The following FBXW12 variants were observed in gnomAD, a reference collection of about 807,000 sequenced individuals.
The protein encoded by FBXW12 is F-box/WD repeat-containing protein 12.
A neutral mutation model predicts 55.3 loss-of-function variants in FBXW12; 43 were observed. The ratio of observed to expected loss-of-function variants is 0.78; its 90% CI spans 0.61 to 1.00. FBXW12 has a LOEUF of 1.00. Among genes scored for constraint, FBXW12 ranks in the 50% least tolerant of loss-of-function variants. The pLI, the probability that FBXW12 is intolerant of heterozygous loss-of-function variation, is 0.00. For missense variants in FBXW12, 524 were observed against 560.5 expected (o/e 0.93, Z 0.66); for synonymous variants, 184 against 203.8 (o/e 0.90, Z 0.83).
chr3:48,392,730 C>T (rs146549772), intron 10 of FBXW12, among the ~76,000 whole-genome samples: 52 of 152,330 alleles, frequency 3.4e-4, no homozygotes, highest in African/African-American at 1.3e-3. Context: ...CTTCTGACTT[C>T]CATGATGTCT....
At chr3:48,372,444 C>A in intron 1 of FBXW12, 124 bp downstream of exon 1, 2 of 1,259,516 alleles carry the variant, frequency 1.6e-6, no homozygotes, top group Non-Finnish European at 2.2e-6. Context: ...AGGGTTCTGA[C>A]AACTTCATCT....
Position 48,383,141 on chromosome 3 carries a change from C to T in FBXW12, c.1295+1056C>T, listed in dbSNP as rs567814633. Among the ~76,000 whole-genome samples, 147 of 152,324 alleles carry T rather than the reference C, an allele frequency of 9.7e-4. 1 individual carries two copies. Among genetic ancestry groups the T allele is most frequent in the Non-Finnish European group, 1.9e-3 (130 of 68,030 alleles). On this transcript the variant is annotated intron_variant, in intron 10 of 10. Coordinates refer to ENST00000296438, the MANE Select transcript of FBXW12 (RefSeq NM_207102.2). ...TTTCCAGTGTTTTGAGGCAAAAATA[C>T]TTTAAATATCTATAAGCATGCTTAG...
intron 1 of FBXW12, 84 bp from the exon 2 acceptor site, chr3:48,372,599 CG>C (rs766634180): frequency 2.7e-4 from 404 of 1,479,964 alleles, no homozygotes; most frequent in Non-Finnish European, 3.3e-4. Context: ...GGGGAGAGGC[CG>C]GGGTGGAGGT....
chr3:48,381,602 T>C, intron 8 of FBXW12, 98 bp from the exon 9 acceptor site: 3 of 1,343,564 alleles, frequency 2.2e-6, no homozygotes, highest in Non-Finnish European at 3.0e-6. Flanking sequence ...GTGGGGACTA[T>C]GCTTTTTTAT....
chr3:48,380,833 A>T lies in FBXW12; in HGVS notation c.906A>T (p.Gln302His), dbSNP rs1560031891. The T allele has an allele frequency of 6.2e-7, 1 of 1,614,142 alleles. No individual in the cohort carries two copies. The highest frequency in any genetic ancestry group is 8.5e-7 in the Non-Finnish European group (1 of 1,180,016). Reference sequence around the variant, plus strand: ...AAAACAGGATAACACTGATGTCCCAAAGTAGCACTGGAAAAAAGACAGAAT... The same window carrying T: ...AAAACAGGATAACACTGATGTCCCATAGTAGCACTGGAAAAAAGACAGAAT... ...KVKNRITLMS[Q>H]SSTGKKTEFI... Residue 302 changes from glutamine (Q) to histidine (H), a missense_variant, in exon 8 of 11, where the codon CAA becomes CAT. Coordinates refer to ENST00000296438, the MANE Select transcript of FBXW12 (RefSeq NM_207102.2).
At chr3:48,390,159 TTTC>T (rs1269150181) in intron 10 of FBXW12, among the ~76,000 whole-genome samples, 2 of 152,190 alleles carry the variant, frequency 1.3e-5, no homozygotes, top group Admixed American at 6.5e-5. Flanking sequence ...TGTCTCTGGC[TTTC>T]TTCTTTTTCC....
intron 5 of FBXW12, among the ~76,000 whole-genome samples, chr3:48,378,048 G>C (rs1306770263): frequency 1.3e-5 from 2 of 152,178 alleles, no homozygotes; most frequent in Non-Finnish European, 2.9e-5. Context: ...GCTGCACTGT[G>C]AGTAGGAGGC....
intron 7 of FBXW12, chr3:48,380,133 T>TA (rs530803807): frequency 0.39 from 55,476 of 141,428 alleles, 10,651 homozygotes; most frequent in African/African-American, 0.43. Context: ...CCCTACCTCT[T>TA]AAAAAAAAAA....
chr3:48,378,236 T>G, intron 5 of FBXW12, 81 bp from the exon 6 acceptor site: 1 of 1,097,450 alleles, frequency 9.1e-7, no homozygotes, highest in Non-Finnish European at 1.4e-6. Context: ...GGAAGAGGCT[T>G]CCAAATAAAC....
intron 10 of FBXW12, among the ~76,000 whole-genome samples, chr3:48,387,441 A>ATTT (rs36141575): frequency 6.9e-6 from 1 of 145,290 alleles, no homozygotes; most frequent in Non-Finnish European, 1.5e-5. Context: ...TTTGGTCTCT[A>ATTT]TTTTTTTTTT....
At chr3:48,391,389 G>T (rs1207713914) in intron 10 of FBXW12, among the ~76,000 whole-genome samples, 1 of 149,052 alleles carries the variant, frequency 6.7e-6, no homozygotes, top group Non-Finnish European at 1.5e-5. Flanking sequence ...TTGTCATATT[G>T]TCCACAAATA....
At chr3:48,387,732 T>G (rs766373846) in intron 10 of FBXW12, among the ~76,000 whole-genome samples, 13 of 152,144 alleles carry the variant, frequency 8.5e-5, no homozygotes, top group Non-Finnish European at 1.5e-4. Context: ...ATTAATTAAT[T>G]TATTTATTTA....
chr3:48,375,897 G>C (rs1385617397), intron 5 of FBXW12, among the ~76,000 whole-genome samples: 1 of 150,432 alleles, frequency 6.6e-6, no homozygotes, highest in Non-Finnish European at 1.5e-5. Context: ...GGATGGTCTC[G>C]ATCTCCTGAC....
At chr3:48,387,574 C>T (rs979379233) in intron 10 of FBXW12, among the ~76,000 whole-genome samples, 22 of 151,786 alleles carry the variant, frequency 1.4e-4, no homozygotes, top group Admixed American at 1.4e-3. Context: ...TTTTTAGACA[C>T]AATCTCAACC....
Position 48,381,994 on chromosome 3 carries a change from C to T in FBXW12, c.1204C>T (p.His402Tyr). Residue 402 changes from histidine to tyrosine, a missense_variant, in exon 10 of 11, where the codon CAC (histidine) becomes TAC (tyrosine). Transcript: ENST00000296438. ...YVLTTSENSV[H>Y]VYMWEEGGRH... is the part of the protein sequence containing the mutation. ...GCTCACCACATCCGAGAACTCTGTG[C>T]ACGTGTACATGTGGGAAGAAGGAGG... 1 of 1,614,190 alleles carries T rather than the reference C, an allele frequency of 6.2e-7. No homozygotes were observed. The highest frequency in any genetic ancestry group is 8.5e-7 in the Non-Finnish European group (1 of 1,180,038).
In FBXW12 at chr3:48,382,840, C is replaced by T. The variant is rs189673277; in HGVS notation, c.1295+755C>T. Among the ~76,000 whole-genome samples the T allele has an allele frequency of 2.6e-5, 4 of 152,340 alleles. No individual in the cohort carries two copies. In the East Asian group the frequency reaches 7.7e-4, roughly 29 times the overall value. ...CAGATTATTGCTAGTCATTATACTG[C>T]TTATAGTGCTTTTTTGGCAACATCT... On this transcript the variant is annotated intron_variant, in intron 10 of 10. Transcript: ENST00000296438.
chr3:48,383,582 T>TTACTTC (rs1414495582), intron 10 of FBXW12, among the ~76,000 whole-genome samples: 1 of 152,218 alleles, frequency 6.6e-6, no homozygotes, highest in Non-Finnish European at 1.5e-5. Flanking sequence ...AGGGTTAACT[T>TTACTTC]TGAAGTACAA....
intron 10 of FBXW12, among the ~76,000 whole-genome samples, chr3:48,389,874 GT>G (rs2036896537): frequency 6.6e-6 from 1 of 152,140 alleles, no homozygotes; most frequent in African/African-American, 2.4e-5. Context: ...TAATTTTGGT[GT>G]ATGGTGAAAA....
intron 2 of FBXW12, 41 bp downstream of exon 2, chr3:48,372,898 C>T (rs1373698749): frequency 6.4e-7 from 1 of 1,569,852 alleles, no homozygotes; most frequent in African/African-American, 1.4e-5. Context: ...AAGCCCGCTG[C>T]TTCTCTCGAC....
Sources: gnomAD v4.1 joint callset for allele counts (sites outside exome capture counted in the v4.1 genomes callset) on GRCh38, gnomAD v4.1.1 for gene constraint, MANE v1.5 for transcripts, NCBI Gene and HGNC (gene_info 2026-07-23, HGNC 2026-07-21) for gene names.